KLF12: variants seen among roughly 807,000 people sequenced by gnomAD.
KLF12 encodes the protein Krueppel-like factor 12.
Under a neutral mutation model 37.8 loss-of-function variants are expected in KLF12, and 9 were observed. The observed-to-expected ratio is 0.24, with a 90% CI of 0.14 to 0.42. The LOEUF (loss-of-function observed/expected upper bound fraction) is 0.42, where lower values mean the gene tolerates loss of function less well. KLF12 is among the 10% of genes least tolerant of loss of function. The pLI, the probability that KLF12 is intolerant of heterozygous loss-of-function variation, is 1.00. For synonymous variants in KLF12, 208 were observed against 202.1 expected (o/e 1.03, Z -0.25); for missense variants, 411 against 516.0 (o/e 0.80, Z 1.97).
chr13:74,012,545 A>C (rs543798670), intron 1 of KLF12, among the ~76,000 whole-genome samples: 17 of 152,324 alleles, frequency 1.1e-4, no homozygotes, highest in Admixed American at 3.3e-4. Context: ...GAGCACAACT[A>C]AGTATATTAT....
rs527323219 is a variant in KLF12 at position 74,075,473 on chromosome 13, A to C, written c.-32+58266T>G. Among the ~76,000 whole-genome samples, 13 of 152,342 alleles carry C rather than the reference A, an allele frequency of 8.5e-5. No individual in the cohort carries two copies. The East Asian group carries it at 2.5e-3, about 29-fold the overall frequency. On this transcript the variant is annotated intron_variant, in intron 1 of 7. Coordinates refer to ENST00000377669, the MANE Select transcript of KLF12 (RefSeq NM_007249.5). ...GACATGTAGGTCCCATGCCAGATTA[A>C]ATTACCCATTAAATTACAATCTCTG...
At chr13:73,826,696 C>T (rs1368284548) in intron 4 of KLF12, among the ~76,000 whole-genome samples, 1 of 152,028 alleles carries the variant, frequency 6.6e-6, no homozygotes, top group Non-Finnish European at 1.5e-5. Context: ...CCCTTAACTA[C>T]ATATATGTCC....
the KLF12 span, among the ~76,000 whole-genome samples, chr13:74,152,116 A>G: frequency 6.6e-6 from 1 of 152,184 alleles, no homozygotes; most frequent in African/African-American, 2.4e-5. Context: ...ATGAAGAAAA[A>G]CAGTCCACTG....
intron 2 of KLF12, among the ~76,000 whole-genome samples, chr13:73,964,974 T>C (rs1340912024): frequency 1.3e-5 from 2 of 152,144 alleles, no homozygotes; most frequent in East Asian, 3.8e-4. Context: ...TTTCACACTA[T>C]GGAACATGCA....
chr13:74,133,581 C>G (rs553408179), intron 1 of KLF12, among the ~76,000 whole-genome samples: 1 of 151,862 alleles, frequency 6.6e-6, no homozygotes, highest in East Asian at 1.9e-4. Flanking sequence ...CACTTTCCCC[C>G]TTTAAGAACA....
At chr13:74,232,946 C>T in the KLF12 span, among the ~76,000 whole-genome samples, 4 of 152,050 alleles carry the variant, frequency 2.6e-5, no homozygotes, top group Non-Finnish European at 5.9e-5. Context: ...AGTGCAGTGG[C>T]GTGATCTCAG....
At chr13:74,113,271 T>C (rs899298788) in intron 1 of KLF12, among the ~76,000 whole-genome samples, 4 of 152,114 alleles carry the variant, frequency 2.6e-5, no homozygotes, top group Admixed American at 2.6e-4. Context: ...GTGAATATAC[T>C]AAAAAACAAA....
chr13:73,753,691 G>A (rs1878946660), intron 6 of KLF12, among the ~76,000 whole-genome samples: 1 of 151,620 alleles, frequency 6.6e-6, no homozygotes, highest in South Asian at 2.1e-4. Context: ...GTCAATCTCT[G>A]GCAATTTCAA....
the KLF12 span, among the ~76,000 whole-genome samples, chr13:74,233,837 C>T: frequency 1.3e-5 from 2 of 152,050 alleles, no homozygotes; most frequent in African/African-American, 4.8e-5. Context: ...TTGCGGGATA[C>T]AAGCTTAATA....
intron 6 of KLF12, among the ~76,000 whole-genome samples, chr13:73,722,735 C>T (rs967739883): frequency 1.3e-5 from 2 of 152,152 alleles, no homozygotes; most frequent in African/African-American, 4.8e-5. Context: ...TGCTAAAATG[C>T]GTCAAAAAGC....
At chr13:74,227,473 A>AT in the KLF12 span, among the ~76,000 whole-genome samples, 2,468 of 152,022 alleles carry the variant, frequency 0.016, 64 homozygotes, top group African/African-American at 0.057. Context: ...GTCTCTTCAT[A>AT]TTTTTTTCCT....
chr13:74,213,330 G>A, the KLF12 span, among the ~76,000 whole-genome samples: 1 of 151,990 alleles, frequency 6.6e-6, no homozygotes, highest in Non-Finnish European at 1.5e-5. Flanking sequence ...AACTATTCTT[G>A]TTCTCATCTG....
At chr13:74,022,668 C>A (rs868367905) in intron 1 of KLF12, among the ~76,000 whole-genome samples, 13 of 136,514 alleles carry the variant, frequency 9.5e-5, no homozygotes, top group Admixed American at 1.4e-4. Context: ...AGGGTAAATC[C>A]AAAAAAAAAA....
intron 2 of KLF12, among the ~76,000 whole-genome samples, chr13:73,983,565 T>C (rs890441994): frequency 6.6e-6 from 1 of 152,258 alleles, no homozygotes; most frequent in Admixed American, 6.5e-5. Flanking sequence ...ATTGCTATCA[T>C]TCTTGCTCAT....
the KLF12 span, among the ~76,000 whole-genome samples, chr13:74,250,407 C>T: frequency 6.6e-6 from 1 of 152,150 alleles, no homozygotes; most frequent in Non-Finnish European, 1.5e-5. Flanking sequence ...CAAGAATTAA[C>T]ACCAGGTGAA....
At chr13:74,053,231 T>C (rs1436270575) in intron 1 of KLF12, among the ~76,000 whole-genome samples, 1 of 152,080 alleles carries the variant, frequency 6.6e-6, no homozygotes, top group Admixed American at 6.5e-5. Context: ...AAAAATTCCA[T>C]TTGCCATTTA....
intron 4 of KLF12, among the ~76,000 whole-genome samples, chr13:73,827,256 C>G (rs911490472): frequency 6.6e-6 from 1 of 152,190 alleles, no homozygotes; most frequent in African/African-American, 2.4e-5. Context: ...ACAAATGCTG[C>G]TGTAACTTTC....
the KLF12 span, among the ~76,000 whole-genome samples, chr13:74,300,680 C>T: frequency 6.6e-6 from 1 of 152,114 alleles, no homozygotes; most frequent in Admixed American, 6.6e-5. Flanking sequence ...ATATAAAATT[C>T]ATCCTTGCAG....
chr13:73,774,780 A>AT (rs1880497255), intron 5 of KLF12, among the ~76,000 whole-genome samples: 1 of 151,878 alleles, frequency 6.6e-6, no homozygotes, highest in Admixed American at 6.6e-5. Flanking sequence ...ATTAGAAATT[A>AT]TTTTTTCTGT....
Sources: gnomAD v4.1 joint callset for allele counts (sites outside exome capture counted in the v4.1 genomes callset) on GRCh38, gnomAD v4.1.1 for gene constraint, MANE v1.5 for transcripts, NCBI Gene and HGNC (gene_info 2026-07-23, HGNC 2026-07-21) for gene names.